ESR1: variants seen among roughly 807,000 people sequenced by gnomAD.
ESR1 encodes the protein estrogen receptor 1, also known as estrogen receptor.
In ESR1, 12 loss-of-function variants were observed where a neutral mutation model predicts 52.7. The ratio of observed to expected loss-of-function variants is 0.23; its 90% confidence interval spans 0.15 to 0.37. The LOEUF is 0.37. Among genes scored for constraint, ESR1 ranks in the 10% least tolerant of loss-of-function variants. The probability of loss-of-function intolerance (pLI) is 1.00; values close to 1 mark genes in which losing one functional copy is unlikely to be tolerated. For missense variants in ESR1, 584 were observed against 779.7 expected, an observed-to-expected ratio of 0.75 and a Z score of 2.99; for synonymous variants, 305 against 316.8, an observed-to-expected ratio of 0.96 and a Z score of 0.39.
intron 2 of ESR1, among the ~76,000 whole-genome samples, chr6:151,755,324 T>C (rs1362982817): frequency 6.6e-6 from 1 of 151,718 alleles, no homozygotes; most frequent in Non-Finnish European, 1.5e-5. Flanking sequence ...ATGAGTCCTA[T>C]CTTGATTTAT....
rs1171359944 is a variant in ESR1, at chr6:151,748,447, A to AT, written c.-71+46448dup. Among the ~76,000 whole-genome samples, 9 of 152,310 alleles carry AT rather than the reference A, an allele frequency of 5.9e-5. No homozygotes were observed. The South Asian group carries it at 1.9e-3, about 32-fold the overall frequency. On this transcript the variant is annotated intron_variant, in intron 2 of 2. Transcript: ENST00000404742. The stretch of plus-strand genomic sequence containing the variant: ...TCATTCTTTTTACTCTTAGCAGAGT[A>AT]TTTTTTGTGACGATGTACCTTCGTT...
At chr6:151,994,579 C>T (rs570017555) in intron 4 of ESR1, among the ~76,000 whole-genome samples, 28 of 152,214 alleles carry the variant, frequency 1.8e-4, no homozygotes, top group African/African-American at 6.3e-4. Context: ...ACTTAGGACC[C>T]GTGGGTGACA....
rs373109669 is a variant in ESR1, at chr6:151,922,372, C to T, written c.761-21801C>T. ...TTAAGGAGTGAGAAGATATGCTCTA[C>T]CTCTTTAAGGGTGGAGTAGCTCTAT... On this transcript the variant is annotated intron_variant, in intron 3 of 7. Transcript: ENST00000206249. Among the ~76,000 whole-genome samples the T allele has an allele frequency of 9.9e-5, 15 of 152,284 alleles. 2 individuals carry two copies. The highest frequency in any genetic ancestry group is 3.4e-4 in the African/African-American group (14 of 41,558).
chr6:152,071,314 A>C (rs1468113680), intron 6 of ESR1, among the ~76,000 whole-genome samples: 4 of 152,256 alleles, frequency 2.6e-5, no homozygotes, highest in Non-Finnish European at 5.9e-5. Flanking sequence ...GAAACAAAAT[A>C]ATAAATTAAG....
At chr6:151,812,840 A>G (rs1779023441) in intron 1 of ESR1, among the ~76,000 whole-genome samples, 1 of 152,200 alleles carries the variant, frequency 6.6e-6, no homozygotes, top group South Asian at 2.1e-4. Context: ...AATCCAAAAA[A>G]TACAGCCACT....
At chr6:152,005,738 A>G (rs898058681) in intron 4 of ESR1, among the ~76,000 whole-genome samples, 1 of 152,034 alleles carries the variant, frequency 6.6e-6, no homozygotes, top group Non-Finnish European at 1.5e-5. Context: ...GCTGTAGACC[A>G]CAGAAGAATT....
intron 2 of ESR1, among the ~76,000 whole-genome samples, chr6:151,849,157 C>T (rs540124455): frequency 5.1e-4 from 78 of 152,240 alleles, no homozygotes; most frequent in African/African-American, 1.8e-3. Context: ...CTTTACAGCT[C>T]TCAAATTCTT....
At chr6:151,669,147 G>GGAGAGAGAGAGAGAGAGAGAGAGA (rs541895194) in intron 1 of ESR1, among the ~76,000 whole-genome samples, 13 of 69,296 alleles carry the variant, frequency 1.9e-4, no homozygotes, top group East Asian at 1.1e-3. Context: ...TTGGGAGCTG[G>GGAGAGAGAGAGAGAGAGAGAGAGA]GAGAGAGAGA....
chr6:151,877,456 T>TATC (rs1477456184), intron 2 of ESR1, among the ~76,000 whole-genome samples: 1 of 152,248 alleles, frequency 6.6e-6, no homozygotes, highest in African/African-American at 2.4e-5. Flanking sequence ...TTTGTCAGTT[T>TATC]ATCAATTCTA....
chr6:151,727,193 C>A (rs1229678496), intron 2 of ESR1, among the ~76,000 whole-genome samples: 1 of 151,650 alleles, frequency 6.6e-6, no homozygotes, highest in Non-Finnish European at 1.5e-5. Context: ...GAATTGCATT[C>A]ATTAATTTTC....
At chr6:151,880,820 C>G (rs770376237) in intron 3 of ESR1, 49 bp downstream of exon 3, 1 of 923,996 alleles carries the variant, frequency 1.1e-6, no homozygotes, top group Non-Finnish European at 1.8e-6. Context: ...TGGCCACCGC[C>G]CAGTGCTGGC....
chr6:151,841,597 A>G (rs1784291931), intron 1 of ESR1, among the ~76,000 whole-genome samples: 1 of 141,018 alleles, frequency 7.1e-6, no homozygotes, highest in African/African-American at 2.6e-5. Flanking sequence ...CTCTTCCTAC[A>G]TTTTTTTTTA....
chr6:152,056,742 C>CT (rs369453359), intron 5 of ESR1, among the ~76,000 whole-genome samples: 23 of 152,318 alleles, frequency 1.5e-4, no homozygotes, highest in African/African-American at 5.3e-4. Flanking sequence ...GAAAACCAGA[C>CT]TGACATAATC....
intron 4 of ESR1, among the ~76,000 whole-genome samples, chr6:152,008,993 G>A (rs1488464330): frequency 6.6e-6 from 1 of 151,988 alleles, no homozygotes; most frequent in Admixed American, 6.6e-5. Flanking sequence ...TTGAGAAAGA[G>A]GAACATTTGC....
At chr6:151,915,149 C>A (rs1479762691) in intron 3 of ESR1, among the ~76,000 whole-genome samples, 2 of 151,222 alleles carry the variant, frequency 1.3e-5, no homozygotes, top group African/African-American at 4.9e-5. Context: ...GAGCCGAGAT[C>A]ATGCCATTGC....
At chr6:152,060,434 G>A (rs1364551739) in intron 5 of ESR1, among the ~76,000 whole-genome samples, 3 of 152,048 alleles carry the variant, frequency 2.0e-5, no homozygotes, top group African/African-American at 4.8e-5. Context: ...GCGTCCACTC[G>A]AATGCCACCT....
chr6:151,899,247 G>A (rs550672117), intron 3 of ESR1, among the ~76,000 whole-genome samples: 11 of 143,704 alleles, frequency 7.7e-5, no homozygotes, highest in Admixed American at 3.4e-4. Flanking sequence ...CTGGCCAGGC[G>A]GGGGGCTGAA....
intron 3 of ESR1, among the ~76,000 whole-genome samples, chr6:151,921,800 C>A (rs2031737252): frequency 1.3e-5 from 2 of 152,054 alleles, no homozygotes; most frequent in Admixed American, 6.6e-5. Flanking sequence ...TCTTTTCTTG[C>A]AAATTTGTCT....
In ESR1 at chr6:152,125,256, C is replaced by T. The variant is rs539449294; in HGVS notation, c.851-10C>T. 4.5e-6 allele frequency: 7 copies of T among 1,549,646 alleles called. No individual in the cohort carries two copies. The East Asian group carries it at 1.7e-4, about 38-fold the overall frequency. On this transcript the variant is annotated splice_polypyrimidine_tract_variant and intron_variant, in intron 6 of 6. Transcript: ENST00000427531. ...TGGTAATGGTAATTCAGGTCGTATT[C>T]ATTTCACAGGTATCTCACATGTAGA...
Sources: gnomAD v4.1 joint callset for allele counts (sites outside exome capture counted in the v4.1 genomes callset) on GRCh38, gnomAD v4.1.1 for gene constraint, MANE v1.5 for transcripts, NCBI Gene and HGNC (gene_info 2026-07-23, HGNC 2026-07-21) for gene names.